Variants in CHD7 observed in about 807,000 individuals in gnomAD.
CHD7 encodes the protein ATP-dependent chromatin remodeler CHD7.
CHD7 carries 24 observed loss-of-function variants against 307.3 expected under a neutral mutation model. The ratio of observed to expected loss-of-function variants is 0.08; its 90% confidence interval spans 0.06 to 0.11. CHD7 has a LOEUF of 0.11. Among genes scored for constraint, CHD7 ranks in the 10% least tolerant of loss-of-function variants. The pLI is 1.00. For missense variants in CHD7, 3,106 were observed against 3,727.1 expected (o/e 0.83, Z 4.34); for synonymous variants, 1,363 against 1,349.9 (o/e 1.01, Z -0.21).
chr8:60,754,707 C>G (rs1356228662), intron 2 of CHD7, among the ~76,000 whole-genome samples: 2 of 152,172 alleles, frequency 1.3e-5, no homozygotes, highest in African/African-American at 4.8e-5. Flanking sequence ...TAGCTGCTTT[C>G]TAAGTGTTTC....
chr8:60,784,957 C>A (rs1400143240), intron 3 of CHD7, among the ~76,000 whole-genome samples: 1 of 152,102 alleles, frequency 6.6e-6, no homozygotes, highest in Admixed American at 6.5e-5. Flanking sequence ...GTGTTCTCCC[C>A]AGTTGTCCTT....
At chr8:60,824,884 G>A (rs1434558200) in intron 13 of CHD7, 1 of 152,092 alleles carries the variant, frequency 6.6e-6, no homozygotes, top group Non-Finnish European at 1.5e-5. Flanking sequence ...ATACTGCTGT[G>A]TGTGATTTCC....
At chr8:60,687,303 TA>T (rs5891774) in intron 1 of CHD7, among the ~76,000 whole-genome samples, 121,889 of 151,842 alleles carry the variant, frequency 0.8, 49,104 homozygotes, top group East Asian at 0.94. Flanking sequence ...AGGAATATGA[TA>T]AAAAAAAAAT....
intron 2 of CHD7, among the ~76,000 whole-genome samples, chr8:60,778,419 A>G (rs1045254369): frequency 2.0e-5 from 3 of 152,058 alleles, no homozygotes; most frequent in Admixed American, 1.3e-4. Flanking sequence ...TTACTAATTT[A>G]TTGCTTCATT....
At chr8:60,709,062 A>G (rs1404010317) in intron 1 of CHD7, among the ~76,000 whole-genome samples, 1 of 152,056 alleles carries the variant, frequency 6.6e-6, no homozygotes, top group African/African-American at 2.4e-5. Flanking sequence ...CGGAATTCCT[A>G]AGATTTTATT....
chr8:60,783,744 T>C (rs1811368604), intron 3 of CHD7, among the ~76,000 whole-genome samples: 1 of 152,082 alleles, frequency 6.6e-6, no homozygotes, highest in African/African-American at 2.4e-5. Flanking sequence ...GCTGCTGCAG[T>C]GTGGCCCAAA....
chr8:60,768,765 G>T (rs1325898586), intron 2 of CHD7, among the ~76,000 whole-genome samples: 7 of 152,022 alleles, frequency 4.6e-5, no homozygotes, highest in African/African-American at 1.7e-4. Flanking sequence ...CTAGATATCA[G>T]ACGACTATTA....
rs140448856 is a variant in CHD7 at position 60,739,318 on chromosome 8, C to G, written c.-174-1941C>G. 5.3e-5 allele frequency among the ~76,000 whole-genome samples: 8 copies of G among 152,332 alleles called. No individual in the cohort carries two copies. In the East Asian group the frequency reaches 1.3e-3, roughly 26 times the overall value. On this transcript the variant is annotated intron_variant, in intron 1 of 37. Coordinates refer to ENST00000423902, the MANE Select transcript of CHD7 (RefSeq NM_017780.4). ...CTGCATGGCTGGTTTAAGCTATTATCAAGTCCATTCCAGTATTTATTTCTT... is the reference window on the plus strand; with the variant it reads ...CTGCATGGCTGGTTTAAGCTATTATGAAGTCCATTCCAGTATTTATTTCTT...
chr8:60,738,093 A>G (rs958807434), intron 1 of CHD7, among the ~76,000 whole-genome samples: 1 of 152,182 alleles, frequency 6.6e-6, no homozygotes, highest in Non-Finnish European at 1.5e-5. Flanking sequence ...TTCATTGCTA[A>G]TTTGTTATTT....
At chr8:60,753,708 T>TC (rs1439650983) in intron 2 of CHD7, among the ~76,000 whole-genome samples, 1 of 151,524 alleles carries the variant, frequency 6.6e-6, no homozygotes, top group East Asian at 2.0e-4. Flanking sequence ...CACTGCAGAC[T>TC]CCATCTCCTG....
intron 2 of CHD7, among the ~76,000 whole-genome samples, chr8:60,751,058 A>G (rs1394581782): frequency 6.6e-6 from 1 of 152,234 alleles, no homozygotes; most frequent in Admixed American, 6.5e-5. Context: ...TTGAGTTTCA[A>G]AGAAGGCTAC....
intron 23 of CHD7, among the ~76,000 whole-genome samples, chr8:60,846,743 T>C (rs1805224983): frequency 1.3e-5 from 2 of 152,240 alleles, no homozygotes. Context: ...CTGTTTGAAT[T>C]GTCTAAGATT....
chr8:60,725,730 T>C lies in CHD7; in HGVS notation c.-174-15529T>C, dbSNP rs148501601. On this transcript the variant is annotated intron_variant, in intron 1 of 37. Transcript: ENST00000423902. The stretch of plus-strand genomic sequence containing the variant: ...TATATTGTTGGTGATTAGGGAGAGA[T>C]TGTGTGCTGCCAGACCTGTTTAGGA... Among the ~76,000 whole-genome samples the C allele has an allele frequency of 2.4e-3, 365 of 152,296 alleles. 1 individual carries two copies. The highest frequency in any genetic ancestry group is 8.4e-3 in the African/African-American group (351 of 41,562).
intron 1 of CHD7, among the ~76,000 whole-genome samples, chr8:60,722,664 C>G (rs1397316475): frequency 6.6e-6 from 1 of 152,076 alleles, no homozygotes; most frequent in African/African-American, 2.4e-5. Context: ...TTTTTTAAAA[C>G]AAAAGTTGTT....
intron 2 of CHD7, among the ~76,000 whole-genome samples, chr8:60,752,156 A>G (rs1809671341): frequency 2.0e-5 from 3 of 152,182 alleles, no homozygotes; most frequent in Admixed American, 1.3e-4. Flanking sequence ...AACTATGTTA[A>G]CTGTGTAACT....
intron 2 of CHD7, among the ~76,000 whole-genome samples, chr8:60,778,547 C>G (rs975502473): frequency 1.3e-5 from 2 of 152,168 alleles, no homozygotes; most frequent in Non-Finnish European, 2.9e-5. Context: ...GGGAATCTCT[C>G]ATTAGAAGCT....
At chr8:60,682,989 C>T (rs1805706561) in intron 1 of CHD7, among the ~76,000 whole-genome samples, 1 of 152,190 alleles carries the variant, frequency 6.6e-6, no homozygotes, top group Non-Finnish European at 1.5e-5. Flanking sequence ...GGAGAAGGAA[C>T]ATCTTAGGTG....
chr8:60,849,176 A>G (rs373444987), intron 25 of CHD7, 22 bp downstream of exon 25: 3 of 1,451,540 alleles, frequency 2.1e-6, no homozygotes, highest in East Asian at 2.3e-5. Context: ...TTCTGTTTGA[A>G]TACATCTCAA....
Position 60,865,827 on chromosome 8 carries a change from A to G in CHD7, c.8888A>G (p.Asp2963Gly). Residue 2963 changes from aspartate (D) to glycine (G), a missense_variant, in exon 38 of 38, where the codon GAT becomes GGT. Asp to Gly is a moderately conservative substitution (Grantham distance 94). Around this residue, in one of 10 missense-constraint regions of CHD7, gnomAD observed 351 missense variants for 366.2 expected, o/e 0.96. Coordinates refer to ENST00000423902, the MANE Select transcript of CHD7 (RefSeq NM_017780.4). This position sits in a 1 kb window ranked among gnomAD's most constrained non-coding sequence, Gnocchi z 4.3. Reference sequence around the variant, plus strand: ...GGCAGCGATGCCGAGGAGAGCCTGGATAAGACTGCAGAGTCCTCCCTCTTA... The same window carrying G: ...GGCAGCGATGCCGAGGAGAGCCTGGGTAAGACTGCAGAGTCCTCCCTCTTA... ...LEGSDAEESLDKTAESSLLED... is the reference protein window; with the variant it reads ...LEGSDAEESLGKTAESSLLED... 1 of 1,613,886 alleles carries G rather than the reference A, an allele frequency of 6.2e-7. No homozygotes were observed. The highest frequency in any genetic ancestry group is 8.5e-7 in the Non-Finnish European group (1 of 1,179,834).
Sources: gnomAD v4.1 joint callset for allele counts (sites outside exome capture counted in the v4.1 genomes callset) on GRCh38, gnomAD v4.1.1 for gene constraint, gnomAD v4.1.1 regional missense constraint, Gnocchi (gnomAD v3.1) non-coding constraint, MANE v1.5 for transcripts, NCBI Gene and HGNC (gene_info 2026-07-23, HGNC 2026-07-21) for gene names.